NRG3: variants seen among roughly 807,000 people sequenced by gnomAD.
NRG3 encodes the protein neuregulin 3.
NRG3 carries 31 observed loss-of-function variants against 66.9 expected under a neutral mutation model. The ratio of observed to expected loss-of-function variants is 0.46; its 90% CI spans 0.35 to 0.63. The LOEUF is 0.63. Among genes scored for constraint, NRG3 ranks in the 20% least tolerant of loss-of-function variants. The pLI, the probability that NRG3 is intolerant of heterozygous loss-of-function variation, is 0.00. For synonymous variants in NRG3, 393 were observed against 359.4 expected, an observed-to-expected ratio of 1.09 and a Z score of -1.06; for missense variants, 910 against 878.9, an observed-to-expected ratio of 1.04 and a Z score of -0.45.
intron 1 of NRG3, among the ~76,000 whole-genome samples, chr10:82,303,590 CTGGGCACGGTGGCTCACACCTGTAA>C (rs2134820893): frequency 6.6e-6 from 1 of 152,268 alleles, no homozygotes; most frequent in Admixed American, 6.5e-5. Context: ...GGTAAATGTG[CTGGGCACGGTGGCTCACACCTGTAA>C]TCCCAGCACT....
At chr10:82,659,914 G>A (rs192933077) in intron 2 of NRG3, among the ~76,000 whole-genome samples, 51 of 151,928 alleles carry the variant, frequency 3.4e-4, no homozygotes, top group African/African-American at 1.1e-3. Context: ...ATAAAGTGAC[G>A]GCCGGGTGCA....
chr10:82,033,108 T>C (rs1017536979), intron 1 of NRG3, among the ~76,000 whole-genome samples: 42 of 152,012 alleles, frequency 2.8e-4, no homozygotes, highest in Admixed American at 1.4e-3. Flanking sequence ...AATGTGAAAA[T>C]TGAAGGAAAA....
At chr10:82,891,994 T>G (rs1263512706) in intron 4 of NRG3, among the ~76,000 whole-genome samples, 2 of 152,122 alleles carry the variant, frequency 1.3e-5, no homozygotes, top group African/African-American at 4.8e-5. Flanking sequence ...TATATTGTTT[T>G]ACTCAATCTA....
At chr10:82,728,608 C>T (rs1176148364) in intron 2 of NRG3, among the ~76,000 whole-genome samples, 1 of 152,150 alleles carries the variant, frequency 6.6e-6, no homozygotes, top group Non-Finnish European at 1.5e-5. Flanking sequence ...TCTTTATCAG[C>T]AGGGTGAAAA....
intron 2 of NRG3, among the ~76,000 whole-genome samples, chr10:82,604,060 T>C (rs899412587): frequency 1.3e-5 from 2 of 152,112 alleles, no homozygotes; most frequent in Non-Finnish European, 2.9e-5. Flanking sequence ...TATTTTTACC[T>C]AAAGGCCATA....
intron 1 of NRG3, among the ~76,000 whole-genome samples, chr10:82,077,957 T>C (rs1302009361): frequency 2.0e-5 from 3 of 152,160 alleles, no homozygotes; most frequent in African/African-American, 7.2e-5. Context: ...GGCTTTTCTC[T>C]CAATTATTTC....
chr10:82,740,842 A>G, intron 3 of NRG3, among the ~76,000 whole-genome samples: 1 of 145,714 alleles, frequency 6.9e-6, no homozygotes, highest in Non-Finnish European at 1.5e-5. Context: ...AAAAAAAAAA[A>G]AAAAAAATTA....
intron 3 of NRG3, among the ~76,000 whole-genome samples, chr10:82,781,841 T>A (rs2060128599): frequency 6.6e-6 from 1 of 152,016 alleles, no homozygotes; most frequent in African/African-American, 2.4e-5. Context: ...GAAGTAAAAA[T>A]TCAGTTCCTG....
intron 1 of NRG3, among the ~76,000 whole-genome samples, chr10:81,924,515 T>C (rs1251212996): frequency 1.3e-5 from 2 of 152,222 alleles, no homozygotes; most frequent in African/African-American, 2.4e-5. Context: ...TTGTGAGCTG[T>C]TCAGCTTTCT....
chr10:82,281,447 C>T (rs531604056), intron 1 of NRG3, among the ~76,000 whole-genome samples: 12 of 152,058 alleles, frequency 7.9e-5, no homozygotes, highest in Admixed American at 2.6e-4. Flanking sequence ...TGTATTGGCC[C>T]GGAGGAAACA....
intron 2 of NRG3, among the ~76,000 whole-genome samples, chr10:82,443,683 A>C (rs2136471662): frequency 6.6e-6 from 1 of 152,328 alleles, no homozygotes; most frequent in South Asian, 2.1e-4. Flanking sequence ...AAAATGTGTC[A>C]ATCAAAGTAT....
At chr10:82,670,671 G>A (rs556568856) in intron 2 of NRG3, among the ~76,000 whole-genome samples, 3 of 152,126 alleles carry the variant, frequency 2.0e-5, no homozygotes, top group East Asian at 1.9e-4. Context: ...CACAAAACAG[G>A]TATCTTCTCC....
chr10:82,793,362 C>T (rs908367993), intron 3 of NRG3, among the ~76,000 whole-genome samples: 2 of 152,084 alleles, frequency 1.3e-5, no homozygotes, highest in Non-Finnish European at 1.5e-5. Flanking sequence ...TGTAATTGGA[C>T]GTATCTGTGC....
chr10:82,850,964 C>T (rs1438439286), intron 3 of NRG3, among the ~76,000 whole-genome samples: 1 of 151,774 alleles, frequency 6.6e-6, no homozygotes, highest in Non-Finnish European at 1.5e-5. Flanking sequence ...TGAATCCCAG[C>T]ACTTTTTTTA....
At chr10:82,674,387 T>A (rs2053517236) in intron 2 of NRG3, among the ~76,000 whole-genome samples, 1 of 152,186 alleles carries the variant, frequency 6.6e-6, no homozygotes, top group Non-Finnish European at 1.5e-5. Context: ...GAGTTTAGAA[T>A]CCCTAGCTAA....
chr10:82,629,989 A>G (rs944803899), intron 2 of NRG3, among the ~76,000 whole-genome samples: 3 of 152,172 alleles, frequency 2.0e-5, no homozygotes, highest in Admixed American at 1.3e-4. Context: ...TGGGGAACTG[A>G]CACCAAAGGG....
intron 2 of NRG3, among the ~76,000 whole-genome samples, chr10:82,652,004 C>T (rs1022986631): frequency 1.3e-5 from 2 of 151,972 alleles, no homozygotes; most frequent in Non-Finnish European, 2.9e-5. Context: ...GTGAGTGAGG[C>T]AGGAACTGGA....
chr10:82,733,732 T>C lies in NRG3; in HGVS notation c.954-4845T>C, dbSNP rs1377037864. On this transcript the variant is annotated intron_variant, in intron 2 of 8. Coordinates refer to ENST00000372141, the MANE Select transcript of NRG3 (RefSeq NM_001010848.4). ...GCTTGTTTTTGTATCTGTCTTGTTT[T>C]GTTTTCCTAACAAGAGGAAGAAGGA... Among the ~76,000 whole-genome samples, 4 of 152,238 alleles carry C rather than the reference T, an allele frequency of 2.6e-5. 1 individual carries two copies. The East Asian group carries it at 7.7e-4, about 29-fold the overall frequency.
At chr10:82,076,902 A>G (rs2065122535) in intron 1 of NRG3, among the ~76,000 whole-genome samples, 1 of 152,200 alleles carries the variant, frequency 6.6e-6, no homozygotes, top group African/African-American at 2.4e-5. Flanking sequence ...ACCTGCATTG[A>G]GTTGCCTCCA....
Sources: gnomAD v4.1 joint callset for allele counts (sites outside exome capture counted in the v4.1 genomes callset) on GRCh38, gnomAD v4.1.1 for gene constraint, MANE v1.5 for transcripts, NCBI Gene and HGNC (gene_info 2026-07-23, HGNC 2026-07-21) for gene names.